C4orf54: variants seen among roughly 807,000 people sequenced by gnomAD.
The protein encoded by C4orf54 is chromosome 4 open reading frame 54.
Under a neutral mutation model 80.1 loss-of-function variants are expected in C4orf54, and 67 were observed. That is an observed-to-expected ratio of 0.84 (90% confidence interval 0.69 to 1.03). The LOEUF is 1.03. C4orf54 is among the 50% of genes least tolerant of loss of function. The probability of loss-of-function intolerance (pLI) is 0.00; values close to 1 mark genes in which losing one functional copy is unlikely to be tolerated. For missense variants in C4orf54, 2,434 were observed against 2,253.5 expected (o/e 1.08, Z -1.62); for synonymous variants, 1,000 against 917.0 (o/e 1.09, Z -1.64).
At position 99,650,051 on chromosome 4, in the gene C4orf54, C is replaced by T. The variant is rs943183602; in HGVS notation, c.4598G>A (p.Arg1533His). 2.0e-5 allele frequency: 30 copies of T among 1,535,728 alleles called. No homozygotes were observed. The highest frequency in any genetic ancestry group is 6.9e-5 in the African/African-American group (5 of 72,926). The change falls in exon 2 of 3, where the codon CGT becomes CAT. Residue 1533 changes from arginine (R) to histidine (H), a missense_variant. Physicochemically the swap from Arg to His is conservative, Grantham distance 29 (BLOSUM62 0). Transcript: ENST00000511828. ...QVSGTSRPAW[R>H]TKPDNPRETV... is the part of the protein sequence containing the mutation. ...CTCCCGGGGGTTGTCAGGTTTGGTA[C>T]GCCAAGCTGGTCGGCTGGTTCCACT...
rs929809170 is a variant in C4orf54 at position 99,654,170 on chromosome 4, T to C, written c.479A>G (p.Glu160Gly). 6.5e-7 allele frequency: 1 copy of C among 1,536,130 alleles called. No individual in the cohort carries two copies. The highest frequency in any genetic ancestry group is 1.4e-5 in the African/African-American group (1 of 73,160). Residue 160 changes from glutamate to glycine, a missense_variant, in exon 2 of 3, where the codon GAG (glutamate) becomes GGG (glycine). Glu to Gly is a moderately conservative substitution (Grantham distance 98). Transcript: ENST00000511828. ...AGCACTGCTCACCCCGTCCCCCACC[T>C]CCGCCTGTCTTGCTTTCGAATTCAG... ...PELNSKARQA[E>G]VGDGVSSAQD...
rs924676034 is a variant in C4orf54, at chr4:99,639,563, C to T, written c.*1670G>A. The T allele has an allele frequency of 2.0e-5, 3 of 152,062 alleles. No homozygotes were observed. The highest frequency in any genetic ancestry group is 7.2e-5 in the African/African-American group (3 of 41,434). 9.4% of individuals were successfully genotyped at this position (152,062 alleles called of 1,614,324 possible). ...ATTTCATGTCTCATAAAGTCTATAG[C>T]TTCATTTCATAGCTCATCAGCACAA... is the stretch of plus-strand genomic sequence containing the variant. On this transcript the variant is annotated 3_prime_UTR_variant, in exon 3 of 3. Transcript: ENST00000511828.
In C4orf54 at chr4:99,651,070, C is replaced by A. The variant is rs1319583280; in HGVS notation, c.3579G>T (p.Leu1193Phe). 2.0e-6 allele frequency: 3 copies of A among 1,536,136 alleles called. No individual in the cohort carries two copies. The highest frequency in any genetic ancestry group is 2.6e-6 in the Non-Finnish European group (3 of 1,146,908). ...GCAGCCTGCCAGATGCCCTGTGAAC[C>A]AAGACTGTCCCTTCTGGGGAGGAAG... is the stretch of plus-strand genomic sequence containing the variant. ...LNSSSPEGTV[L>F]VHRASGRLPV... Residue 1193 changes from leucine to phenylalanine, a missense_variant, in exon 2 of 3, where the codon TTG (leucine) becomes TTT (phenylalanine). Transcript: ENST00000511828.
chr4:99,651,530 C>A lies in C4orf54; in HGVS notation c.3119G>T (p.Ser1040Ile). The A allele has an allele frequency of 6.5e-7, 1 of 1,536,168 alleles. No homozygotes were observed. The highest frequency in any genetic ancestry group is 8.7e-7 in the Non-Finnish European group (1 of 1,146,914). The change falls in exon 2 of 3, where the codon AGC becomes ATC. Residue 1040 changes from serine to isoleucine, a missense_variant. Ser to Ile is a moderately radical substitution (Grantham distance 142). Transcript: ENST00000511828. The stretch of plus-strand genomic sequence containing the variant: ...CAACTTGGCAATGTTGAAGTCTGAG[C>A]TCGGCTGCTGCACACTCCCCAGCCG... ...KIRLGSVQQPSSDFNIAKLLT... is the reference protein window; with the variant it reads ...KIRLGSVQQPISDFNIAKLLT...
chr4:99,646,568 G>A (rs1173047945), intron 2 of C4orf54, among the ~76,000 whole-genome samples: 1 of 152,192 alleles, frequency 6.6e-6, no homozygotes, highest in Non-Finnish European at 1.5e-5. Context: ...AGGGAGCAAG[G>A]TGTGGCCCAG....
intron 2 of C4orf54, among the ~76,000 whole-genome samples, chr4:99,645,827 G>T (rs539128192): frequency 1.3e-5 from 2 of 152,190 alleles, no homozygotes; most frequent in Non-Finnish European, 2.9e-5. Flanking sequence ...GTTGCAATTG[G>T]ATTACTGCTG....
chr4:99,642,493 C>T (rs892359721), intron 2 of C4orf54, among the ~76,000 whole-genome samples: 2 of 152,182 alleles, frequency 1.3e-5, no homozygotes, highest in African/African-American at 4.8e-5. Context: ...CTGCTAGGAT[C>T]ATATTTAGGG....
In C4orf54 at chr4:99,649,567, G is replaced by C. The variant is rs901505258; in HGVS notation, c.5082C>G (p.Pro1694=). The C allele has an allele frequency of 6.5e-7, 1 of 1,536,136 alleles. No homozygotes were observed. The stretch of plus-strand genomic sequence containing the variant: ...CTCTTGGAGCGCGAGCAATTGGTGT[G>C]GGCTGCAGAGCATTGGTGGGCAGCA... ...PTVLPTNALQ[P]TPIARAPRGS... Residue 1694 remains proline (P), a synonymous_variant, in exon 2 of 3, where the codon CCC becomes CCG. Transcript: ENST00000511828.
Position 99,649,957 on chromosome 4 carries a change from C to T in C4orf54, c.4692G>A (p.Pro1564=), listed in dbSNP as rs544276103. The T allele has an allele frequency of 2.9e-5, 44 of 1,531,730 alleles. No individual in the cohort carries two copies. Among genetic ancestry groups the T allele is most frequent in the Middle Eastern group, 1.7e-4 (1 of 5,958 alleles). 94.9% of individuals were successfully genotyped at this position (1,531,730 alleles called of 1,614,324 possible). Residue 1564 remains proline, a synonymous_variant, in exon 2 of 3, where the codon CCG becomes CCA. Transcript: ENST00000511828. ...GGGCCCCCTGTAGGGTGAAGGGCAG[C>T]GGCGGCTGGTGGTAGATGGTGGTGG... ...HPPTTIYHQP[P]LPFTLQGAQP...
chr4:99,654,937 G>C (rs931415709), intron 1 of C4orf54, among the ~76,000 whole-genome samples: 3 of 152,106 alleles, frequency 2.0e-5, no homozygotes, highest in African/African-American at 7.2e-5. Flanking sequence ...TTGATTAAAT[G>C]GTTCCCCCCA....
chr4:99,643,318 G>T (rs1309023145), intron 2 of C4orf54, among the ~76,000 whole-genome samples: 1 of 152,164 alleles, frequency 6.6e-6, no homozygotes, highest in Non-Finnish European at 1.5e-5. Context: ...CACTTGCCTG[G>T]ACTACACTGT....
chr4:99,651,402 T>C lies in C4orf54; in HGVS notation c.3247A>G (p.Lys1083Glu). Residue 1083 changes from lysine (K) to glutamate (E), a missense_variant, in exon 2 of 3, where the codon AAA becomes GAA. By Grantham distance (56) the Lys-to-Glu change is moderately conservative. Transcript: ENST00000511828. Reference protein sequence around the residue: ...QKLFRGDNLEKVPHFQVRDIR... With the variant: ...QKLFRGDNLEEVPHFQVRDIR... ...TCTCTCACCTGGAAATGGGGCACTT[T>C]TTCTAGGTTGTCCCCGCGGAAGAGT... 1 of 1,536,248 alleles carries C rather than the reference T, an allele frequency of 6.5e-7. No individual in the cohort carries two copies. Among genetic ancestry groups the C allele is most frequent in the Non-Finnish European group, 8.7e-7 (1 of 1,146,914 alleles).
chr4:99,654,308 A>G lies in C4orf54; in HGVS notation c.341T>C (p.Leu114Pro). 1.3e-6 allele frequency: 2 copies of G among 1,521,080 alleles called. No individual in the cohort carries two copies. Among genetic ancestry groups the G allele is most frequent in the Non-Finnish European group, 1.8e-6 (2 of 1,133,154 alleles). The allele number at this position is 1,521,080 out of a possible 1,614,324, so 94.2% of individuals were successfully genotyped here. A position where few individuals can be genotyped will look rare whatever the true frequency, so the allele number is the denominator to read the frequency against. Reference sequence around the variant, plus strand: ...CCGTCTCTGGCCCCGGAGGGGCTGCAGAGTTGCCCGAAGCAGGGTCCCACG... The same window carrying G: ...CCGTCTCTGGCCCCGGAGGGGCTGCGGAGTTGCCCGAAGCAGGGTCCCACG... The part of the protein sequence containing the change: ...QIRGTLLRAT[L>P]QPLRGQRRTQ... Residue 114 changes from leucine (L) to proline (P), a missense_variant, in exon 2 of 3, where the codon CTG (leucine) becomes CCG (proline). Coordinates refer to ENST00000511828, the MANE Select transcript of C4orf54 (RefSeq NM_001354435.2).
In C4orf54 at chr4:99,651,707, G is replaced by A; in HGVS notation, c.2942C>T (p.Ala981Val). The change falls in exon 2 of 3, where the codon GCC (alanine) becomes GTC (valine). Residue 981 changes from alanine (A) to valine (V), a missense_variant. Transcript: ENST00000511828. ...DWRADLGEIS[A>V]SKNTIMSRLF... ...GCGAGACATGATGGTGTTCTTGCTG[G>A]CAGAAATCTCCCCGAGATCAGCCCG... 1 of 1,536,014 alleles carries A rather than the reference G, an allele frequency of 6.5e-7. No homozygotes were observed. The highest frequency in any genetic ancestry group is 8.7e-7 in the Non-Finnish European group (1 of 1,146,878).
In C4orf54 at chr4:99,652,487, A is replaced by C; in HGVS notation, c.2162T>G (p.Val721Gly). ...KSQTKALEFV[V>G]SKVEGEIKHV... is the part of the protein sequence containing the mutation. The stretch of plus-strand genomic sequence containing the variant: ...TTTGATTTCCCCCTCGACTTTGCTG[A>C]CCACGAACTCCAAGGCCTTGGTCTG... The change falls in exon 2 of 3, where the codon GTC (valine) becomes GGC (glycine). Residue 721 changes from valine to glycine, a missense_variant. By Grantham distance (109) the Val-to-Gly change is moderately radical (BLOSUM62 -3). Transcript: ENST00000511828. 6.5e-7 allele frequency: 1 copy of C among 1,535,698 alleles called. No homozygotes were observed. The highest frequency in any genetic ancestry group is 8.7e-7 in the Non-Finnish European group (1 of 1,146,676).
Position 99,650,931 on chromosome 4 carries a change from C to G in C4orf54, c.3718G>C (p.Val1240Leu). The G allele has an allele frequency of 6.5e-7, 1 of 1,536,224 alleles. No individual in the cohort carries two copies. The highest frequency in any genetic ancestry group is 2.4e-5 in the East Asian group (1 of 40,904). The change falls in exon 2 of 3, where the codon GTC becomes CTC. Residue 1240 changes from valine to leucine, a missense_variant. Physicochemically the swap from Val to Leu is conservative, Grantham distance 32. Coordinates refer to ENST00000511828, the MANE Select transcript of C4orf54 (RefSeq NM_001354435.2). ...TTCGTGGCTTTCCCTTCCTCCTTGA[C>G]CTCCTCCTCCTTGAGCTTCTCTGGG... is the stretch of plus-strand genomic sequence containing the variant. Reference protein sequence around the residue: ...KTPEKLKEEEVKEEGKATKPA... With the variant: ...KTPEKLKEEELKEEGKATKPA...
In C4orf54 at chr4:99,650,645, G is replaced by T. The variant is rs1726798873; in HGVS notation, c.4004C>A (p.Ala1335Asp). ...GNKAGVVLRGAPIERLQRRNS... is the reference protein window; with the variant it reads ...GNKAGVVLRGDPIERLQRRNS... ...TCTCCGCTGCAGACGTTCTATGGGG[G>T]CCCCTCGCAGGACCACACCAGCTTT... Residue 1335 changes from alanine (A) to aspartate (D), a missense_variant, in exon 2 of 3, where the codon GCC becomes GAC. Ala to Asp is a moderately radical substitution (Grantham distance 126). Transcript: ENST00000511828. The T allele has an allele frequency of 4.6e-6, 7 of 1,536,052 alleles. No individual in the cohort carries two copies. In the East Asian group the frequency reaches 1.7e-4, roughly 38 times the overall value.
Position 99,650,400 on chromosome 4 carries a change from G to A in C4orf54, c.4249C>T (p.Gln1417Ter). 6.5e-7 allele frequency: 1 copy of A among 1,536,122 alleles called. No individual in the cohort carries two copies. The highest frequency in any genetic ancestry group is 2.4e-5 in the East Asian group (1 of 40,908). Residue 1417 changes from glutamine to a stop codon, truncating the protein, a stop_gained, in exon 2 of 3, where the codon CAA becomes TAA. Transcript: ENST00000511828. LOFTEE classifies it high-confidence loss of function. Reference protein sequence around the residue: ...KTGGVAGKFPQGPSPESPSAA... With the variant: ...KTGGVAGKFP The stretch of plus-strand genomic sequence containing the variant: ...GAAGGACTCTCCGGAGAAGGCCCTT[G>A]TGGGAACTTGCCAGCGACACCCCCA...
In C4orf54 at chr4:99,651,424, G is replaced by A. The variant is rs568204676; in HGVS notation, c.3225C>T (p.Leu1075=). The change falls in exon 2 of 3, where the codon CTC becomes CTT. Residue 1075 remains leucine, a synonymous_variant. Transcript: ENST00000511828. ...CTTTTTCTAGGTTGTCCCCGCGGAA[G>A]AGTTTCTGCTGTGCCCTGCTGTTGT... ...IEDNSRAQQK[L]FRGDNLEKVP... is the part of the protein sequence containing the mutation. The A allele has an allele frequency of 5.2e-6, 8 of 1,536,312 alleles. 1 individual carries two copies. The South Asian group carries it at 9.5e-5, about 18-fold the overall frequency.
Sources: allele counts gnomAD v4.1 joint callset (sites outside exome capture counted in the v4.1 genomes callset), GRCh38; gene constraint gnomAD v4.1.1; transcripts MANE v1.5; gene names NCBI Gene and HGNC (gene_info 2026-07-23, HGNC 2026-07-21).